Variants in EYS observed in about 807,000 individuals in gnomAD.
The protein encoded by EYS is EGF-like photoreceptor maintenance factor.
EYS carries 250 observed loss-of-function variants against 282.1 expected under a neutral mutation model. That is an observed-to-expected ratio of 0.89 (90% CI 0.80 to 0.98). The LOEUF is 0.98. EYS is among the 50% of genes least tolerant of loss of function. The probability of loss-of-function intolerance (pLI) is 0.00; values close to 1 mark genes in which losing one functional copy is unlikely to be tolerated. For synonymous variants in EYS, 1,355 were observed against 1,282.9 expected (o/e 1.06, Z -1.20); for missense variants, 4,016 against 3,709.0 (o/e 1.08, Z -2.15).
In EYS at chr6:65,675,395, C is replaced by A. The variant is rs552551912; in HGVS notation, c.-448+31740G>T. On this transcript the variant is annotated intron_variant, in intron 1 of 42. Transcript: ENST00000503581. ...GAGACTCACTTTAGCTTTAAGGATGCACATAGGTTGAAAATGAAAGGATGA... is the reference window on the plus strand; with the variant it reads ...GAGACTCACTTTAGCTTTAAGGATGAACATAGGTTGAAAATGAAAGGATGA... Among the ~76,000 whole-genome samples the A allele has an allele frequency of 4.6e-5, 7 of 151,710 alleles. 1 individual carries two copies. In the South Asian group the frequency reaches 6.2e-4, roughly 13 times the overall value.
intron 12 of EYS, among the ~76,000 whole-genome samples, chr6:65,185,735 A>G (rs778652486): frequency 1.3e-5 from 2 of 151,780 alleles, no homozygotes; most frequent in Non-Finnish European, 2.9e-5. Context: ...GGCACAGTTC[A>G]TCAAGGAAAA....
chr6:64,447,201 C>G (rs1270869310), intron 26 of EYS, among the ~76,000 whole-genome samples: 1 of 151,692 alleles, frequency 6.6e-6, no homozygotes, highest in East Asian at 1.9e-4. Flanking sequence ...AAACTTGTGT[C>G]TCTTTGTGTT....
rs1167890936 is a variant in EYS, at chr6:64,757,348, TC to T, written c.3443+56029del. On this transcript the variant is annotated intron_variant, in intron 22 of 42. Coordinates refer to ENST00000503581, the MANE Select transcript of EYS (RefSeq NM_001142800.2). ...GTCTTGTTCAGACTTCTATTATAACTCTTAGTGCACTGCCTTGGAATTATCT... is the reference window on the plus strand; with the variant it reads ...GTCTTGTTCAGACTTCTATTATAACTTTAGTGCACTGCCTTGGAATTATCT... 2.6e-5 allele frequency among the ~76,000 whole-genome samples: 4 copies of T among 152,172 alleles called. No homozygotes were observed. The East Asian group carries it at 7.7e-4, about 29-fold the overall frequency.
At chr6:65,225,721 GAAAA>G (rs201575014) in intron 12 of EYS, among the ~76,000 whole-genome samples, 1 of 95,358 alleles carries the variant, frequency 1.0e-5, no homozygotes, top group African/African-American at 4.2e-5. Context: ...CATCAAAAAA[GAAAA>G]AAAAAAAAAA....
At chr6:65,133,111 TATC>T (rs1327606648) in intron 12 of EYS, among the ~76,000 whole-genome samples, 7 of 152,012 alleles carry the variant, frequency 4.6e-5, no homozygotes, top group African/African-American at 1.4e-4. Flanking sequence ...GAAGAATCAA[TATC>T]ATTAAAATGG....
At chr6:64,961,466 TATAC>T (rs1373093989) in intron 14 of EYS, among the ~76,000 whole-genome samples, 4 of 152,056 alleles carry the variant, frequency 2.6e-5, no homozygotes, top group African/African-American at 9.7e-5. Flanking sequence ...TATATATATA[TATAC>T]ACACACAATT....
chr6:64,430,772 A>G (rs1774550807), intron 28 of EYS, among the ~76,000 whole-genome samples: 1 of 152,150 alleles, frequency 6.6e-6, no homozygotes, highest in African/African-American at 2.4e-5. Context: ...CAGAATGCAG[A>G]AAGGGGTGGG....
At chr6:64,706,973 T>C (rs990182418) in intron 22 of EYS, among the ~76,000 whole-genome samples, 1 of 152,068 alleles carries the variant, frequency 6.6e-6, no homozygotes, top group African/African-American at 2.4e-5. Flanking sequence ...GGTATTTATC[T>C]GGAGGAAAAG....
At position 64,449,921 on chromosome 6, in the gene EYS, G is replaced by A. The variant is rs181779885; in HGVS notation, c.5645-10569C>T. Among the ~76,000 whole-genome samples the A allele has an allele frequency of 2.3e-3, 343 of 152,116 alleles. 6 individuals carry two copies. Among genetic ancestry groups the A allele is most frequent in the Admixed American group, 0.016 (244 of 15,244 alleles). ...AGAAACATGCCAAATTGTAAAGACCGTCAAGGCTAGGAAGAAACTGCACCA... is the reference window on the plus strand; with the variant it reads ...AGAAACATGCCAAATTGTAAAGACCATCAAGGCTAGGAAGAAACTGCACCA... On this transcript the variant is annotated intron_variant, in intron 26 of 42. Transcript: ENST00000503581.
At chr6:64,709,769 A>G (rs1217923571) in intron 22 of EYS, among the ~76,000 whole-genome samples, 1 of 152,242 alleles carries the variant, frequency 6.6e-6, no homozygotes, top group Non-Finnish European at 1.5e-5. Context: ...AATGTAAGCT[A>G]TGCATTAATA....
intron 12 of EYS, among the ~76,000 whole-genome samples, chr6:65,127,680 T>C (rs1242811382): frequency 6.6e-6 from 1 of 152,086 alleles, no homozygotes; most frequent in Non-Finnish European, 1.5e-5. Context: ...CAGGCAGGCA[T>C]TGAACACATG....
chr6:64,447,178 C>T (rs1044104090), intron 26 of EYS, among the ~76,000 whole-genome samples: 14 of 152,076 alleles, frequency 9.2e-5, no homozygotes, highest in African/African-American at 2.9e-4. Flanking sequence ...GTATTACCCA[C>T]AGATACTGTC....
At chr6:64,449,206 A>G (rs927600162) in intron 26 of EYS, among the ~76,000 whole-genome samples, 2 of 152,228 alleles carry the variant, frequency 1.3e-5, no homozygotes, top group African/African-American at 4.8e-5. Flanking sequence ...CTACGTGATG[A>G]ATGCACAAGC....
At chr6:65,505,737 C>A (rs1278659889) in intron 2 of EYS, among the ~76,000 whole-genome samples, 1 of 152,060 alleles carries the variant, frequency 6.6e-6, no homozygotes, top group Non-Finnish European at 1.5e-5. Flanking sequence ...TACTTTTATT[C>A]CACGTGGCAT....
Position 64,411,925 on chromosome 6 carries a change from G to GTATATATGTTTATATATGCATGAATA in EYS, c.5928-23086_5928-23085insTATTCATGCATATATAAACATATATA, listed in dbSNP as rs1561980315. The stretch of plus-strand genomic sequence containing the variant: ...TATATATGTTTATATATGCATGCAT[G>GTATATATGTTTATATATGCATGAATA]TATGTATATATGTTTATATATGCAT... On this transcript the variant is annotated intron_variant, in intron 28 of 42. Coordinates refer to ENST00000503581, the MANE Select transcript of EYS (RefSeq NM_001142800.2). 6.0e-5 allele frequency among the ~76,000 whole-genome samples: 7 copies of GTATATATGTTTATATATGCATGAATA among 117,388 alleles called. 1 individual carries two copies. The highest frequency in any genetic ancestry group is 5.7e-4 in the East Asian group (2 of 3,500). The allele number at this position is 117,388 out of a possible 152,430, so 77.0% of individuals were successfully genotyped here.
intron 12 of EYS, among the ~76,000 whole-genome samples, chr6:65,108,299 G>A (rs9688831): frequency 0.24 from 34,380 of 143,916 alleles, 4,444 homozygotes; most frequent in African/African-American, 0.35. Context: ...AAAAAATTAC[G>A]CACTTTATTT....
intron 30 of EYS, among the ~76,000 whole-genome samples, chr6:64,281,144 T>G (rs923888728): frequency 5.9e-5 from 9 of 152,140 alleles, no homozygotes; most frequent in African/African-American, 2.2e-4. Flanking sequence ...GCCTGGACAC[T>G]GCAATCCTTT....
chr6:65,146,724 C>T (rs1764485360), intron 12 of EYS, among the ~76,000 whole-genome samples: 1 of 151,858 alleles, frequency 6.6e-6, no homozygotes, highest in Non-Finnish European at 1.5e-5. Flanking sequence ...CATTTTCTTC[C>T]TTTTTTCTTA....
chr6:64,672,979 T>C (rs554606574), intron 22 of EYS, among the ~76,000 whole-genome samples: 1 of 152,326 alleles, frequency 6.6e-6, no homozygotes, highest in African/African-American at 2.4e-5. Flanking sequence ...CATTAAAATT[T>C]AGAAACATTC....
Sources: gnomAD v4.1 joint callset for allele counts (sites outside exome capture counted in the v4.1 genomes callset) on GRCh38, gnomAD v4.1.1 for gene constraint, MANE v1.5 for transcripts, NCBI Gene and HGNC (gene_info 2026-07-23, HGNC 2026-07-21) for gene names.